SPATA16: variants seen among roughly 807,000 people sequenced by gnomAD.
The protein encoded by SPATA16 is spermatogenesis associated 16.
Under a neutral mutation model 63.3 loss-of-function variants are expected in SPATA16, and 36 were observed. The ratio of observed to expected loss-of-function variants is 0.57; its 90% CI spans 0.44 to 0.75. SPATA16 has a LOEUF of 0.75. SPATA16 is among the 30% of genes least tolerant of loss of function. The probability of loss-of-function intolerance (pLI) is 0.00; values close to 1 mark genes in which losing one functional copy is unlikely to be tolerated. For missense variants in SPATA16, 646 were observed against 679.3 expected (o/e 0.95, Z 0.54); for synonymous variants, 203 against 216.7 (o/e 0.94, Z 0.56).
At chr3:173,103,182 C>A (rs1187356716) in intron 2 of SPATA16, among the ~76,000 whole-genome samples, 1 of 152,176 alleles carries the variant, frequency 6.6e-6, no homozygotes, top group East Asian at 1.9e-4. Flanking sequence ...TCATGGATTA[C>A]AGTTGAGTGC....
chr3:173,006,563 C>A (rs1345497312), intron 4 of SPATA16, among the ~76,000 whole-genome samples: 1 of 152,208 alleles, frequency 6.6e-6, no homozygotes, highest in Non-Finnish European at 1.5e-5. Flanking sequence ...TTCAGAACCA[C>A]TTGTCTTGAG....
intron 2 of SPATA16, among the ~76,000 whole-genome samples, chr3:173,078,184 C>CA (rs909416244): frequency 9.6e-4 from 146 of 152,046 alleles, no homozygotes; most frequent in African/African-American, 3.4e-3. Context: ...TTCATCATCA[C>CA]AACGCTTTAG....
intron 6 of SPATA16, among the ~76,000 whole-genome samples, chr3:172,935,288 C>T (rs989602520): frequency 1.3e-5 from 2 of 152,110 alleles, no homozygotes; most frequent in African/African-American, 2.4e-5. Flanking sequence ...TGTGAGCACA[C>T]CTGCGAATAG....
At chr3:172,987,153 A>G (rs1734476711) in intron 4 of SPATA16, among the ~76,000 whole-genome samples, 1 of 152,212 alleles carries the variant, frequency 6.6e-6, no homozygotes, top group Non-Finnish European at 1.5e-5. Context: ...TGAATGAACT[A>G]ATATCTGATG....
intron 6 of SPATA16, among the ~76,000 whole-genome samples, chr3:172,952,506 A>G (rs961450806): frequency 5.9e-5 from 9 of 152,182 alleles, no homozygotes; most frequent in Non-Finnish European, 1.2e-4. Context: ...AGAATTTTAC[A>G]TAGGAGGGCT....
chr3:173,031,757 T>C (rs533635852), intron 3 of SPATA16, among the ~76,000 whole-genome samples: 1 of 152,192 alleles, frequency 6.6e-6, no homozygotes, highest in African/African-American at 2.4e-5. Context: ...AAAAGATTGA[T>C]CATTAGAATT....
At chr3:173,005,122 A>G (rs1734912309) in intron 4 of SPATA16, among the ~76,000 whole-genome samples, 1 of 152,250 alleles carries the variant, frequency 6.6e-6, no homozygotes, top group African/African-American at 2.4e-5. Context: ...GGAGATCGAG[A>G]CCATCCTGGC....
chr3:172,977,538 T>A (rs1734193383), intron 4 of SPATA16, among the ~76,000 whole-genome samples: 1 of 152,090 alleles, frequency 6.6e-6, no homozygotes, highest in Non-Finnish European at 1.5e-5. Flanking sequence ...TAAAAAAATC[T>A]CCAATTCAAG....
intron 4 of SPATA16, among the ~76,000 whole-genome samples, chr3:173,010,173 C>G (rs967218522): frequency 6.6e-6 from 1 of 152,218 alleles, no homozygotes; most frequent in Non-Finnish European, 1.5e-5. Flanking sequence ...CACCTGAGCA[C>G]TCTGGTTGGC....
At chr3:173,076,047 C>T (rs1346802688) in intron 2 of SPATA16, among the ~76,000 whole-genome samples, 1 of 151,966 alleles carries the variant, frequency 6.6e-6, no homozygotes, top group East Asian at 1.9e-4. Context: ...ATATGTGCAA[C>T]TATCATGTAC....
intron 3 of SPATA16, among the ~76,000 whole-genome samples, chr3:173,041,993 A>G (rs1735851201): frequency 6.6e-6 from 1 of 152,160 alleles, no homozygotes; most frequent in Non-Finnish European, 1.5e-5. Flanking sequence ...AAAATATCTC[A>G]TTTCTTGATA....
chr3:172,925,915 T>A (rs766993123), intron 6 of SPATA16, among the ~76,000 whole-genome samples: 2 of 152,088 alleles, frequency 1.3e-5, no homozygotes, highest in South Asian at 4.2e-4. Context: ...AACCTCTACC[T>A]CCTGGGTTCA....
In SPATA16 at chr3:173,117,726, A is replaced by C; in HGVS notation, c.6T>G (p.Asp2Glu). The C allele has an allele frequency of 6.2e-7, 1 of 1,614,124 alleles. No individual in the cohort carries two copies. Among genetic ancestry groups the C allele is most frequent in the Non-Finnish European group, 8.5e-7 (1 of 1,179,982 alleles). Residue 2 changes from aspartate to glutamate, a missense_variant, in exon 2 of 11, where the codon GAT becomes GAG. Coordinates refer to ENST00000351008, the MANE Select transcript of SPATA16 (RefSeq NM_031955.6). Reference protein sequence around the residue: MDAGSSRSLENA... With the variant: MEAGSSRSLENA... The stretch of plus-strand genomic sequence containing the variant: ...TCTCCAAACTCCTACTGCTTCCTGC[A>C]TCCATCGATCCTGCCCAAAACTCCT...
intron 2 of SPATA16, among the ~76,000 whole-genome samples, chr3:173,095,213 G>T (rs543405975): frequency 6.6e-6 from 1 of 152,178 alleles, no homozygotes; most frequent in Admixed American, 6.5e-5. Context: ...AATTGAAGGA[G>T]TATGGTAAAT....
At chr3:172,988,533 TG>T (rs1387032611) in intron 4 of SPATA16, among the ~76,000 whole-genome samples, 5 of 152,148 alleles carry the variant, frequency 3.3e-5, no homozygotes, top group Non-Finnish European at 7.3e-5. Flanking sequence ...TTCCAAGAGA[TG>T]GGGAGAGGCT....
At chr3:172,949,832 T>C (rs1171688032) in intron 6 of SPATA16, among the ~76,000 whole-genome samples, 1 of 152,000 alleles carries the variant, frequency 6.6e-6, no homozygotes, top group East Asian at 1.9e-4. Context: ...AGGGAATAAA[T>C]TTAGAGGACG....
chr3:173,118,087 C>T (rs1328498543), intron 1 of SPATA16, among the ~76,000 whole-genome samples: 1 of 151,966 alleles, frequency 6.6e-6, no homozygotes, highest in African/African-American at 2.4e-5. Flanking sequence ...ACAAGAAAAG[C>T]CAAAGTAAAT....
At chr3:173,093,483 C>T (rs543343183) in intron 2 of SPATA16, among the ~76,000 whole-genome samples, 13 of 152,094 alleles carry the variant, frequency 8.5e-5, no homozygotes, top group African/African-American at 2.9e-4. Context: ...GGATTATATC[C>T]CCAGAGTTTA....
At chr3:172,988,022 T>G (rs531208034) in intron 4 of SPATA16, among the ~76,000 whole-genome samples, 170 of 152,160 alleles carry the variant, frequency 1.1e-3, no homozygotes, top group African/African-American at 3.8e-3. Flanking sequence ...TCAACCACAG[T>G]CATAAACTCA....
Sources: gnomAD v4.1 joint callset for allele counts (sites outside exome capture counted in the v4.1 genomes callset) on GRCh38, gnomAD v4.1.1 for gene constraint, MANE v1.5 for transcripts, NCBI Gene and HGNC (gene_info 2026-07-23, HGNC 2026-07-21) for gene names.